CEP250: variants seen among roughly 807,000 people sequenced by gnomAD.
The protein encoded by CEP250 is centrosome-associated protein CEP250.
Under a neutral mutation model 315.7 loss-of-function variants are expected in CEP250, and 242 were observed. The observed-to-expected ratio is 0.77, with a 90% CI of 0.69 to 0.85. CEP250 has a LOEUF of 0.85. Among genes scored for constraint, CEP250 ranks in the 40% least tolerant of loss-of-function variants. CEP250 has a pLI of 0.00. For synonymous variants in CEP250, 1,088 were observed against 1,175.0 expected (o/e 0.93, Z 1.51); for missense variants, 2,515 against 2,886.4 (o/e 0.87, Z 2.95).
At chr20:35,494,215 C>A (rs2063774366) in intron 23 of CEP250, among the ~76,000 whole-genome samples, 1 of 146,070 alleles carries the variant, frequency 6.8e-6, no homozygotes, top group Non-Finnish European at 1.5e-5. Flanking sequence ...CTCAAGCAGT[C>A]TGCTCGCCTT....
chr20:35,474,657 C>A, intron 14 of CEP250: 1 of 393,736 alleles, frequency 2.5e-6, no homozygotes, highest in South Asian at 1.9e-5. Context: ...ATCAATGGCC[C>A]CAGCTAATCT....
chr20:35,457,321 A>G (rs568948332), intron 1 of CEP250, among the ~76,000 whole-genome samples: 1 of 152,248 alleles, frequency 6.6e-6, no homozygotes, highest in Admixed American at 6.5e-5. Context: ...GGGACAGAAA[A>G]AGCATGGTAA....
chr20:35,510,269 G>C (rs1282217345), intron 34 of CEP250, among the ~76,000 whole-genome samples: 2 of 152,194 alleles, frequency 1.3e-5, no homozygotes, highest in Non-Finnish European at 2.9e-5. Context: ...TCCATACTTA[G>C]AAAGGGAAAG....
intron 31 of CEP250, 44 bp from the exon 32 acceptor site, chr20:35,507,991 G>A (rs1304293640): frequency 4.3e-6 from 7 of 1,612,982 alleles, no homozygotes; most frequent in Non-Finnish European, 5.9e-6. Context: ...TTCCCTACCT[G>A]TCTTAGGGGC....
Position 35,502,629 on chromosome 20 carries a change from A to G in CEP250, c.4260A>G (p.Gln1420=). 1.2e-6 allele frequency: 2 copies of G among 1,614,264 alleles called. No individual in the cohort carries two copies. The highest frequency in any genetic ancestry group is 1.7e-6 in the Non-Finnish European group (2 of 1,180,052). The change falls in exon 30 of 35, where the codon CAA becomes CAG. Residue 1420 remains glutamine, a synonymous_variant. Transcript: ENST00000397527. The part of the protein sequence containing the change: ...ELKVAQGKAL[Q]ENLALLTQTL... ...AGGTGGCCCAAGGGAAGGCTCTGCA[A>G]GAGAATTTGGCCCTCCTGACCCAGA... is the stretch of plus-strand genomic sequence containing the variant.
intron 9 of CEP250, among the ~76,000 whole-genome samples, chr20:35,468,107 C>G (rs1370893418): frequency 6.6e-6 from 1 of 152,018 alleles, no homozygotes; most frequent in Non-Finnish European, 1.5e-5. Flanking sequence ...TGCCACCATA[C>G]CCAGCTAATG....
chr20:35,491,895 C>CAAAAAAAAAAAAA (rs34747030), intron 22 of CEP250, among the ~76,000 whole-genome samples: 2 of 63,920 alleles, frequency 3.1e-5, no homozygotes, highest in Non-Finnish European at 5.2e-5. Flanking sequence ...GAGCGAGTCT[C>CAAAAAAAAAAAAA]AAAAAAAAAA....
At position 35,504,727 on chromosome 20, in the gene CEP250, A is replaced by C; in HGVS notation, c.6358A>C (p.Asn2120His). The C allele has an allele frequency of 6.2e-7, 1 of 1,614,212 alleles. No individual in the cohort carries two copies. Among genetic ancestry groups the C allele is most frequent in the Non-Finnish European group, 8.5e-7 (1 of 1,180,042 alleles). Reference sequence around the variant, plus strand: ...GGAGCTGAGGGAGACCCAGCAAAGGAACAACCTGGAAGCCTTACCCCACAG... The same window carrying C: ...GGAGCTGAGGGAGACCCAGCAAAGGCACAACCTGGAAGCCTTACCCCACAG... Reference protein sequence around the residue: ...ILELRETQQRNNLEALPHSHK... With the variant: ...ILELRETQQRHNLEALPHSHK... The change falls in exon 30 of 35, where the codon AAC (asparagine) becomes CAC (histidine). Residue 2120 changes from asparagine (N) to histidine (H), a missense_variant. Transcript: ENST00000397527.
chr20:35,477,795 T>A, intron 16 of CEP250, 76 bp from the exon 17 acceptor site: 1 of 1,167,888 alleles, frequency 8.6e-7, no homozygotes, highest in Non-Finnish European at 1.2e-6. Flanking sequence ...TCACTTGGAT[T>A]TCAGTCTTAG....
At chr20:35,472,231 G>T (rs1197014032) in intron 11 of CEP250, 80 bp downstream of exon 11, 1 of 854,428 alleles carries the variant, frequency 1.2e-6, no homozygotes, top group Non-Finnish European at 2.0e-6. Context: ...GTCCTGCCTA[G>T]ATTTCCAGTC....
Position 35,507,858 on chromosome 20 carries a change from TG to T in CEP250, c.6750+12del. 1 of 1,608,254 alleles carries T rather than the reference TG, an allele frequency of 6.2e-7. No homozygotes were observed. The highest frequency in any genetic ancestry group is 8.5e-7 in the Non-Finnish European group (1 of 1,177,014). On this transcript the variant is annotated splice_region_variant and intron_variant, in intron 31 of 34. Transcript: ENST00000397527. The stretch of plus-strand genomic sequence containing the variant: ...GGGTGTGCAGCTGGGAGAGGTGAGC[TG>T]GGGGCTCTGGGGGAACAGGTGACCC...
At chr20:35,501,234 G>T (rs1010007107) in intron 28 of CEP250, among the ~76,000 whole-genome samples, 1 of 152,172 alleles carries the variant, frequency 6.6e-6, no homozygotes, top group African/African-American at 2.4e-5. Flanking sequence ...CTACTCGGGA[G>T]GCTGAGGCAG....
At chr20:35,496,915 A>G (rs958495606) in intron 25 of CEP250, among the ~76,000 whole-genome samples, 200 bp downstream of exon 25, 2 of 152,182 alleles carry the variant, frequency 1.3e-5, no homozygotes, top group Non-Finnish European at 2.9e-5. Context: ...TGACCCAGAG[A>G]TGGACATGGC....
Position 35,508,085 on chromosome 20 carries a change from A to G in CEP250, c.6801A>G (p.Ser2267=). The G allele has an allele frequency of 6.2e-7, 1 of 1,614,208 alleles. No homozygotes were observed. The highest frequency in any genetic ancestry group is 8.5e-7 in the Non-Finnish European group (1 of 1,180,024). Residue 2267 remains serine (S), a synonymous_variant, in exon 32 of 35, where the codon TCA becomes TCG. Coordinates refer to ENST00000397527, the MANE Select transcript of CEP250 (RefSeq NM_007186.6). Reference sequence around the variant, plus strand: ...GTCCTGATGGAATGGAGAAGCAGTCATGGAGACAAAGGCTTGAACACCTGC... The same window carrying G: ...GTCCTGATGGAATGGAGAAGCAGTCGTGGAGACAAAGGCTTGAACACCTGC... ...EPSPDGMEKQ[S]WRQRLEHLQQ...
Position 35,474,709 on chromosome 20 carries a change from T to C in CEP250, c.1571+657T>C, listed in dbSNP as rs1390052861. On this transcript the variant is annotated intron_variant, in intron 14 of 34. Coordinates refer to ENST00000397527, the MANE Select transcript of CEP250 (RefSeq NM_007186.6). Reference sequence around the variant, plus strand: ...GATGTCACAGAAAAAGCAAGGACTTTGAGCTAGGCAGAAGCTTAGTTTAAA... The same window carrying C: ...GATGTCACAGAAAAAGCAAGGACTTCGAGCTAGGCAGAAGCTTAGTTTAAA... 8 of 452,234 alleles carry C rather than the reference T, an allele frequency of 1.8e-5. No individual in the cohort carries two copies. In the Admixed American group the frequency reaches 1.9e-4, roughly 11 times the overall value. 28.0% of individuals were successfully genotyped at this position (452,234 alleles called of 1,614,324 possible). A position where few individuals can be genotyped will look rare whatever the true frequency, so the allele number is the denominator to read the frequency against.
intron 1 of CEP250, among the ~76,000 whole-genome samples, chr20:35,457,494 G>A (rs35823088): frequency 4.5e-4 from 68 of 151,932 alleles, no homozygotes; most frequent in Non-Finnish European, 5.0e-4. Flanking sequence ...TTCCCAAGTA[G>A]CTGGGACTAC....
chr20:35,494,515 A>G lies in CEP250; in HGVS notation c.3034-9A>G. 6.2e-7 allele frequency: 1 copy of G among 1,613,444 alleles called. No individual in the cohort carries two copies. Among genetic ancestry groups the G allele is most frequent in the Non-Finnish European group, 8.5e-7 (1 of 1,179,946 alleles). ...TGCCATCTTGGTCTTCATGCCCTTA[A>G]TTTTCCAGGTGGAGGACTTGAAGTC... On this transcript the variant is annotated splice_polypyrimidine_tract_variant and intron_variant, in intron 23 of 34. Transcript: ENST00000397527.
intron 3 of CEP250, among the ~76,000 whole-genome samples, chr20:35,460,805 T>C (rs736031): frequency 0.34 from 52,229 of 152,176 alleles, 10,360 homozygotes; most frequent in African/African-American, 0.54. Flanking sequence ...CATCTCTGGC[T>C]TATGGCTTAG....
intron 20 of CEP250, among the ~76,000 whole-genome samples, chr20:35,485,066 A>T (rs1009499930): frequency 2.6e-4 from 8 of 30,408 alleles, no homozygotes; most frequent in Admixed American, 4.3e-4. Flanking sequence ...TATCTCTTTA[A>T]AAAAAAAAAA....
Sources: gnomAD v4.1 joint callset for allele counts (sites outside exome capture counted in the v4.1 genomes callset) on GRCh38, gnomAD v4.1.1 for gene constraint, MANE v1.5 for transcripts, NCBI Gene and HGNC (gene_info 2026-07-23, HGNC 2026-07-21) for gene names.